PLK4: variants seen among roughly 807,000 people sequenced by gnomAD.
PLK4 encodes polo like kinase 4, also known as serine/threonine-protein kinase PLK4.
PLK4 carries 51 observed loss-of-function variants against 103.0 expected under a neutral mutation model. That is an observed-to-expected ratio of 0.50 (90% CI 0.40 to 0.63). The LOEUF (loss-of-function observed/expected upper bound fraction) is 0.63. Ranked by LOEUF, PLK4 falls within the 20% of genes least tolerant of loss-of-function variation. The pLI, the probability that PLK4 is intolerant of heterozygous loss-of-function variation, is 0.00. For synonymous variants in PLK4, 389 were observed against 376.8 expected (o/e 1.03, Z -0.38); for missense variants, 1,054 against 1,151.0 (o/e 0.92, Z 1.22).
At chr4:127,893,475 G>T (rs185815412) in intron 11 of PLK4, 38 bp from the exon 12 acceptor site, 3 of 1,600,938 alleles carry the variant, frequency 1.9e-6, no homozygotes, top group Non-Finnish European at 2.6e-6. Flanking sequence ...AAATGACATA[G>T]GTGAAACAAT....
At chr4:127,887,650 G>A (rs1578757442) in intron 6 of PLK4, among the ~76,000 whole-genome samples, 154 bp downstream of exon 6, 1 of 152,004 alleles carries the variant, frequency 6.6e-6, no homozygotes, top group Admixed American at 6.6e-5. Context: ...GCCAGGACTG[G>A]TGGATTGCTT....
intron 9 of PLK4, 89 bp from the exon 10 acceptor site, chr4:127,892,276 G>A (rs1735389323): frequency 2.4e-6 from 2 of 819,006 alleles, no homozygotes; most frequent in East Asian, 2.7e-5. Flanking sequence ...CCTGTCTAAT[G>A]TAACCCTATT....
Position 127,897,019 on chromosome 4 carries a change from G to T in PLK4, c.2810+112G>T, listed in dbSNP as rs1015904081. On this transcript the variant is annotated intron_variant, in intron 15 of 15. Transcript: ENST00000270861. ...TACTTCTTTCATTTTGACAATGATCGTGTGATTCTTTAAACTGTTAATTAT... is the reference window on the plus strand; with the variant it reads ...TACTTCTTTCATTTTGACAATGATCTTGTGATTCTTTAAACTGTTAATTAT... 3.4e-5 allele frequency: 21 copies of T among 610,618 alleles called. No homozygotes were observed. In the African/African-American group the frequency reaches 3.6e-4, roughly 10 times the overall value. 37.8% of individuals were successfully genotyped at this position (610,618 alleles called of 1,614,324 possible). A position where few individuals can be genotyped will look rare whatever the true frequency, so the allele number is the denominator to read the frequency against.
At position 127,891,632 on chromosome 4, in the gene PLK4, A is replaced by G. The variant is rs1274657454; in HGVS notation, c.1989A>G (p.Pro663=). 2.6e-6 allele frequency: 4 copies of G among 1,554,350 alleles called. No individual in the cohort carries two copies. The highest frequency in any genetic ancestry group is 3.5e-6 in the Non-Finnish European group (4 of 1,144,200). ...GAGGTTTTCCTCTTGCTGATAGACC[A>G]CCCTCACCTACTGACAACATCAGTA... ...GGRGFPLADR[P]PSPTDNISRY... Residue 663 remains proline, a synonymous_variant, in exon 9 of 16, where the codon CCA becomes CCG. Transcript: ENST00000270861.
In PLK4 at chr4:127,881,164, G is replaced by A; in HGVS notation, c.30G>A (p.Glu10=). 1 of 1,614,014 alleles carries A rather than the reference G, an allele frequency of 6.2e-7. No homozygotes were observed. Among genetic ancestry groups the A allele is most frequent in the Non-Finnish European group, 8.5e-7 (1 of 1,180,020 alleles). The change falls in exon 1 of 16, where the codon GAG becomes GAA. Residue 10 remains glutamate, a splice_region_variant and synonymous_variant. Coordinates refer to ENST00000270861, the MANE Select transcript of PLK4 (RefSeq NM_014264.5). Reference sequence around the variant, plus strand: ...CGACCTGCATCGGGGAGAAGATCGAGGTGAAAAGACTCGGCAGTCTGCAGC... The same window carrying A: ...CGACCTGCATCGGGGAGAAGATCGAAGTGAAAAGACTCGGCAGTCTGCAGC... The part of the protein sequence containing the change: MATCIGEKI[E]DFKVGNLLGK...
chr4:127,881,483 G>A, intron 1 of PLK4: 1 of 1,040,256 alleles, frequency 9.6e-7, no homozygotes, highest in East Asian at 3.0e-5. Context: ...TCTCCAAGGG[G>A]ATGGCGGTTA....
At chr4:127,885,687 T>C (rs1242238315) in intron 4 of PLK4, 21 bp from the exon 5 acceptor site, 1 of 1,564,184 alleles carries the variant, frequency 6.4e-7, no homozygotes, top group Non-Finnish European at 8.6e-7. Flanking sequence ...TTGTAAATTC[T>C]CTTTTTTAAA....
In PLK4 at chr4:127,881,390, G is replaced by A. The variant is rs567446736; in HGVS notation, c.30+226G>A. ...GGACAGGTGAGTCCCTCCCCGCCCG[G>A]CAGTGTCCCGAGGCACTGCGGCTTT... On this transcript the variant is annotated intron_variant, in intron 1 of 15. Coordinates refer to ENST00000270861, the MANE Select transcript of PLK4 (RefSeq NM_014264.5). 2.2e-4 allele frequency: 315 copies of A among 1,423,608 alleles called. 1 individual carries two copies. Among genetic ancestry groups the A allele is most frequent in the Non-Finnish European group, 2.8e-4 (308 of 1,093,094 alleles). 88.2% of individuals were successfully genotyped at this position (1,423,608 alleles called of 1,614,324 possible).
chr4:127,881,328 G>A (rs1734910965), intron 1 of PLK4, 164 bp downstream of exon 1: 1 of 1,476,666 alleles, frequency 6.8e-7, no homozygotes, highest in Admixed American at 2.4e-5. Flanking sequence ...TAGGGGCGGA[G>A]CGGCCCGCCC....
chr4:127,883,375 T>G lies in PLK4; in HGVS notation c.222+18T>G. 1 of 1,483,714 alleles carries G rather than the reference T, an allele frequency of 6.7e-7. No homozygotes were observed. Among genetic ancestry groups the G allele is most frequent in the South Asian group, 1.2e-5 (1 of 86,704 alleles). 91.9% of individuals were successfully genotyped at this position (1,483,714 alleles called of 1,614,324 possible). Reference sequence around the variant, plus strand: ...TCTTGGAGGTAAGATATAAATTTTGTAGAAGTGACCAAGGACACTGAATTT... The same window carrying G: ...TCTTGGAGGTAAGATATAAATTTTGGAGAAGTGACCAAGGACACTGAATTT... On this transcript the variant is annotated intron_variant, in intron 3 of 15. Transcript: ENST00000270861.
chr4:127,885,411 G>A (rs112949669), intron 4 of PLK4, among the ~76,000 whole-genome samples: 143 of 149,594 alleles, frequency 9.6e-4, no homozygotes, highest in African/African-American at 3.3e-3. Context: ...CCCGGGAGGC[G>A]GAGCTTGCTG....
At chr4:127,889,630 G>A (rs183786255) in intron 6 of PLK4, among the ~76,000 whole-genome samples, 2 of 152,182 alleles carry the variant, frequency 1.3e-5, no homozygotes, top group African/African-American at 4.8e-5. Flanking sequence ...AATATCTTTT[G>A]TGTCTTAGTC....
At position 127,881,409 on chromosome 4, in the gene PLK4, C is replaced by T. The variant is rs757465021; in HGVS notation, c.30+245C>T. ...CGCCCGGCAGTGTCCCGAGGCACTG[C>T]GGCTTTCTTTCAGCAATCCCGCCCG... On this transcript the variant is annotated intron_variant, in intron 1 of 15. Coordinates refer to ENST00000270861, the MANE Select transcript of PLK4 (RefSeq NM_014264.5). 1.8e-5 allele frequency: 25 copies of T among 1,409,270 alleles called. No individual in the cohort carries two copies. In the East Asian group the frequency reaches 4.2e-4, roughly 24 times the overall value. The allele number at this position is 1,409,270 out of a possible 1,614,324, so 87.3% of individuals were successfully genotyped here.
In PLK4 at chr4:127,885,715, C is replaced by G. The variant is rs1393928803; in HGVS notation, c.345C>G (p.His115Gln). 1.7e-5 allele frequency: 28 copies of G among 1,606,142 alleles called. No individual in the cohort carries two copies. Among genetic ancestry groups the G allele is most frequent in the Non-Finnish European group, 2.3e-5 (27 of 1,176,128 alleles). ...TTTTTAAAATCCTAACAGCTCGACA[C>G]TTCATGCACCAGATCATCACAGGGA... The part of the protein sequence containing the change: ...VKPFSENEAR[H>Q]FMHQIITGML... The change falls in exon 5 of 16, where the codon CAC (histidine) becomes CAG (glutamine). Residue 115 changes from histidine to glutamine, a missense_variant. Around this residue, in one of 4 missense-constraint regions of PLK4, gnomAD observed 199 missense variants for 270.1 expected, o/e 0.74. Transcript: ENST00000270861.
At chr4:127,891,298 G>T in intron 8 of PLK4, 102 bp downstream of exon 8, 1 of 586,394 alleles carries the variant, frequency 1.7e-6, no homozygotes, top group Non-Finnish European at 2.9e-6. Context: ...TTTAAAATCA[G>T]TTTGCCAGTA....
intron 3 of PLK4, 40 bp downstream of exon 3, chr4:127,883,397 A>G (rs1275524346): frequency 2.9e-6 from 4 of 1,402,316 alleles, no homozygotes; most frequent in Non-Finnish European, 4.0e-6. Context: ...AGGACACTGA[A>G]TTTTTGTATA....
At position 127,893,322 on chromosome 4, in the gene PLK4, G is replaced by T. The variant is rs1267205362; in HGVS notation, c.2226G>T (p.Val742=). Residue 742 remains valine, a synonymous_variant, in exon 11 of 16, where the codon GTG becomes GTT. Transcript: ENST00000270861. ...ACAAAACAGAAGATTTCATTCAGGT[G>T]ATTGAAAAGACAGGGAAGTCTTACA... ...KIHKTEDFIQ[V]IEKTGKSYTL... is the part of the protein sequence containing the mutation. 2 of 1,598,408 alleles carry T rather than the reference G, an allele frequency of 1.3e-6. No individual in the cohort carries two copies. Among genetic ancestry groups the T allele is most frequent in the East Asian group, 2.2e-5 (1 of 44,520 alleles).
rs757878322 is a variant in PLK4, at chr4:127,896,959, TTCTC to T, written c.2810+54_2810+57del. On this transcript the variant is annotated intron_variant, in intron 15 of 15. Transcript: ENST00000270861. ...TTCAGCCCTTTGCTATAATTTCTCT[TTCTC>T]TATATGTTGAAATGGATGATTTAAT... is the stretch of plus-strand genomic sequence containing the variant. The T allele has an allele frequency of 1.7e-5, 16 of 916,514 alleles. No homozygotes were observed. The East Asian group carries it at 2.9e-4, about 17-fold the overall frequency. The allele number at this position is 916,514 out of a possible 1,614,324, so 56.8% of individuals were successfully genotyped here. A position where few individuals can be genotyped will look rare whatever the true frequency, so the allele number is the denominator to read the frequency against.
chr4:127,892,548 T>G (rs1763680422), intron 10 of PLK4, 34 bp downstream of exon 10: 1 of 1,568,920 alleles, frequency 6.4e-7, no homozygotes, highest in Non-Finnish European at 8.7e-7. Context: ...ATTTGTTCCT[T>G]TAGTTTGTAA....
Sources: allele counts gnomAD v4.1 joint callset (sites outside exome capture counted in the v4.1 genomes callset), GRCh38; gene constraint gnomAD v4.1.1; regional missense constraint gnomAD v4.1.1; transcripts MANE v1.5; gene names NCBI Gene and HGNC (gene_info 2026-07-23, HGNC 2026-07-21).